P2RX7: variants seen among roughly 807,000 people sequenced by gnomAD.
P2RX7 encodes P2X purinoceptor 7.
Under a neutral mutation model 71.6 loss-of-function variants are expected in P2RX7, and 62 were observed. The observed-to-expected ratio is 0.87, with a 90% CI of 0.71 to 1.07. The LOEUF is 1.07. Among genes scored for constraint, P2RX7 ranks in the 50% least tolerant of loss-of-function variants. The pLI, the probability that P2RX7 is intolerant of heterozygous loss-of-function variation, is 0.00. For synonymous variants in P2RX7, 299 were observed against 283.3 expected (o/e 1.06, Z -0.56); for missense variants, 686 against 748.5 (o/e 0.92, Z 0.97).
intron 3 of P2RX7, among the ~76,000 whole-genome samples, chr12:121,160,124 CTTTT>C (rs1249872766): frequency 4.0e-5 from 6 of 148,856 alleles, no homozygotes; most frequent in African/African-American, 1.5e-4. Context: ...TTCTTTCTTT[CTTTT>C]TCTTTCTTTC....
chr12:121,166,341 A>ATG (rs1881019001), intron 7 of P2RX7, among the ~76,000 whole-genome samples, 154 bp downstream of exon 7: 1 of 152,316 alleles, frequency 6.6e-6, no homozygotes, highest in Non-Finnish European at 1.5e-5. Flanking sequence ...GACTTTACCT[A>ATG]CCATACCTCG....
intron 9 of P2RX7, among the ~76,000 whole-genome samples, chr12:121,175,875 A>G (rs981275296): frequency 6.6e-6 from 1 of 152,092 alleles, no homozygotes; most frequent in Non-Finnish European, 1.5e-5. Context: ...AGCTACAAGC[A>G]TGGTTGGATC....
Position 121,136,243 on chromosome 12 carries a change from A to G in P2RX7, c.125+3148A>G, listed in dbSNP as rs1873625209. 1.3e-5 allele frequency among the ~76,000 whole-genome samples: 2 copies of G among 151,528 alleles called. 1 individual carries two copies. Among genetic ancestry groups the G allele is most frequent in the Non-Finnish European group, 2.9e-5 (2 of 67,932 alleles). On this transcript the variant is annotated intron_variant, in intron 1 of 12. Coordinates refer to ENST00000328963, the MANE Select transcript of P2RX7 (RefSeq NM_002562.6). ...TTAGTAAATGCCCCCTTCTGCATTAATACGTAGATTGTATGTCACAATTTC... is the reference window on the plus strand; with the variant it reads ...TTAGTAAATGCCCCCTTCTGCATTAGTACGTAGATTGTATGTCACAATTTC...
chr12:121,142,285 T>C (rs1178034581), intron 1 of P2RX7, among the ~76,000 whole-genome samples: 2 of 152,192 alleles, frequency 1.3e-5, no homozygotes, highest in Non-Finnish European at 2.9e-5. Flanking sequence ...GTTGGCAAAA[T>C]TCAATCCCTT....
rs114333980 is a variant in P2RX7, at chr12:121,179,868, C to T, written c.1189-486C>T. ...TTACAAGTTAAGATGCATGGGGTTC[C>T]GCCTGGCGTGGTGGCTCACTCCTGT... is the stretch of plus-strand genomic sequence containing the variant. On this transcript the variant is annotated intron_variant, in intron 11 of 12. Coordinates refer to ENST00000328963, the MANE Select transcript of P2RX7 (RefSeq NM_002562.6). Among the ~76,000 whole-genome samples, 825 of 152,042 alleles carry T rather than the reference C, an allele frequency of 5.4e-3. 11 individuals carry two copies. The highest frequency in any genetic ancestry group is 0.019 in the African/African-American group (777 of 41,474).
chr12:121,145,580 C>T (rs1313208561), intron 1 of P2RX7, among the ~76,000 whole-genome samples: 1 of 151,584 alleles, frequency 6.6e-6, no homozygotes, highest in East Asian at 1.9e-4. Context: ...GATCTCCACT[C>T]ACCACAACCT....
chr12:121,140,188 A>T (rs1267731950), intron 1 of P2RX7, among the ~76,000 whole-genome samples: 2 of 152,012 alleles, frequency 1.3e-5, no homozygotes, highest in Non-Finnish European at 2.9e-5. Flanking sequence ...CAGCCATGTG[A>T]CACACAGTAC....
chr12:121,154,655 A>G lies in P2RX7; in HGVS notation c.126-130A>G. On this transcript the variant is annotated intron_variant, in intron 1 of 12. Coordinates refer to ENST00000328963, the MANE Select transcript of P2RX7 (RefSeq NM_002562.6). The surrounding 1 kb of genome is among the most constrained non-coding windows in gnomAD (Gnocchi z 4.2). ...TCTTCCCATTATCCAGAGAGGGAAA[A>G]CAAGTCACACGGAAGCAAGTCACGC... The G allele has an allele frequency of 1.4e-6, 1 of 717,268 alleles. No individual in the cohort carries two copies. The highest frequency in any genetic ancestry group is 2.5e-6 in the Non-Finnish European group (1 of 394,422). 44.4% of individuals were successfully genotyped at this position (717,268 alleles called of 1,614,324 possible).
At position 121,162,526 on chromosome 12, in the gene P2RX7, T is replaced by A. The variant is rs1391636919; in HGVS notation, c.533+6T>A. ...GCAGTGGAAGAGGCCCCCCGGTGAG[T>A]CGCATGGGGAGACAGACACAGTGGC... On this transcript the variant is annotated splice_donor_region_variant and intron_variant, in intron 5 of 12. Coordinates refer to ENST00000328963, the MANE Select transcript of P2RX7 (RefSeq NM_002562.6). The A allele has an allele frequency of 6.2e-7, 1 of 1,611,194 alleles. No homozygotes were observed. The highest frequency in any genetic ancestry group is 8.5e-7 in the Non-Finnish European group (1 of 1,179,814).
At chr12:121,153,652 C>T (rs1217263807) in intron 1 of P2RX7, among the ~76,000 whole-genome samples, 2 of 151,104 alleles carry the variant, frequency 1.3e-5, no homozygotes, top group Non-Finnish European at 3.0e-5. Context: ...CACTCCAGCC[C>T]GGGCTACAGA....
At chr12:121,175,172 ACGG>A (rs1306216353) in intron 8 of P2RX7, among the ~76,000 whole-genome samples, 4,783 of 151,890 alleles carry the variant, frequency 0.031, 250 homozygotes, top group African/African-American at 0.11. Context: ...TTAGCCGAGC[ACGG>A]TGGTGCATGC....
chr12:121,153,976 G>C (rs1449425814), intron 1 of P2RX7, among the ~76,000 whole-genome samples: 1 of 152,076 alleles, frequency 6.6e-6, no homozygotes, highest in Non-Finnish European at 1.5e-5. Flanking sequence ...ATAAAAACTA[G>C]CTGAGCATGG....
Position 121,177,129 on chromosome 12 carries a change from C to T in P2RX7, c.973-18C>T. 6.2e-7 allele frequency: 1 copy of T among 1,611,908 alleles called. No homozygotes were observed. Among genetic ancestry groups the T allele is most frequent in the Non-Finnish European group, 8.5e-7 (1 of 1,178,004 alleles). ...GCTCTGAATTTCACCTGAGTAAACT[C>T]TCCCACTCTGTTTTTAGGGAGGAAA... On this transcript the variant is annotated intron_variant, in intron 9 of 12. Coordinates refer to ENST00000328963, the MANE Select transcript of P2RX7 (RefSeq NM_002562.6).
At chr12:121,176,375 A>C (rs1883124271) in intron 9 of P2RX7, among the ~76,000 whole-genome samples, 1 of 152,238 alleles carries the variant, frequency 6.6e-6, no homozygotes, top group South Asian at 2.1e-4. Context: ...GTCCAAGAGC[A>C]TGTTATCTAT....
chr12:121,183,787 G>A (rs1440428790), intron 12 of P2RX7, among the ~76,000 whole-genome samples: 1 of 152,116 alleles, frequency 6.6e-6, no homozygotes, highest in Non-Finnish European at 1.5e-5. Context: ...AATAGGCCAG[G>A]TGCAGTGGCT....
Position 121,132,908 on chromosome 12 carries a change from T to TGTGG in P2RX7, c.-62_-59dup, listed in dbSNP as rs1157729434. The TGTGG allele has an allele frequency of 1.2e-5, 19 of 1,602,264 alleles. No homozygotes were observed. The highest frequency in any genetic ancestry group is 1.4e-5 in the Non-Finnish European group (17 of 1,175,116). Reference sequence around the variant, plus strand: ...TTGCAGTTACTGGGAGGGGGCTTGCTGTGGCCCTGTCAGGAAGAGTAGAGC... The same window carrying TGTGG: ...TTGCAGTTACTGGGAGGGGGCTTGCTGTGGGTGGCCCTGTCAGGAAGAGTAGAGC... On this transcript the variant is annotated 5_prime_UTR_variant, in exon 1 of 13. Transcript: ENST00000328963.
At chr12:121,151,569 T>C (rs1593038189) in intron 1 of P2RX7, among the ~76,000 whole-genome samples, 1 of 152,306 alleles carries the variant, frequency 6.6e-6, no homozygotes, top group Non-Finnish European at 1.5e-5. Context: ...TTTGTTTTAA[T>C]ATTTCTACAG....
Position 121,135,725 on chromosome 12 carries a change from C to T in P2RX7, c.125+2630C>T, listed in dbSNP as rs939796970. 5.3e-5 allele frequency among the ~76,000 whole-genome samples: 8 copies of T among 151,552 alleles called. No homozygotes were observed. The East Asian group carries it at 1.2e-3, about 22-fold the overall frequency. On this transcript the variant is annotated intron_variant, in intron 1 of 12. Coordinates refer to ENST00000328963, the MANE Select transcript of P2RX7 (RefSeq NM_002562.6). ...GAATGATAAACATATATGCTGGGTC[C>T]GGCATGGTGGCCCATGCCTGTAATT...
chr12:121,185,723 G>A lies in P2RX7; in HGVS notation c.*921G>A, dbSNP rs915096654. 1 of 152,504 alleles carries A rather than the reference G, an allele frequency of 6.6e-6. No homozygotes were observed. The highest frequency in any genetic ancestry group is 2.4e-5 in the African/African-American group (1 of 41,406). The allele number at this position is 152,504 out of a possible 1,614,324, so 9.4% of individuals were successfully genotyped here. A position where few individuals can be genotyped will look rare whatever the true frequency, so the allele number is the denominator to read the frequency against. On this transcript the variant is annotated 3_prime_UTR_variant, in exon 13 of 13. Transcript: ENST00000328963. ...GACAGCTTCTACTTGCTGTCCCTTG[G>A]AACTCTTGCTATCGGGGAAGCCAGA...
Sources: allele counts gnomAD v4.1 joint callset (sites outside exome capture counted in the v4.1 genomes callset), GRCh38; gene constraint gnomAD v4.1.1; non-coding constraint Gnocchi (gnomAD v3.1); transcripts MANE v1.5; gene names NCBI Gene and HGNC (gene_info 2026-07-23, HGNC 2026-07-21).